The following ARG2 variants were observed in gnomAD, a reference collection of about 807,000 sequenced individuals.
The protein encoded by ARG2 is arginase 2.
In ARG2, 21 loss-of-function variants were observed where a neutral mutation model predicts 39.4. The observed-to-expected ratio is 0.53, with a 90% CI of 0.38 to 0.77. The LOEUF (loss-of-function observed/expected upper bound fraction) is 0.77. Among genes scored for constraint, ARG2 ranks in the 30% least tolerant of loss-of-function variants. The pLI, the probability that ARG2 is intolerant of heterozygous loss-of-function variation, is 0.00. For synonymous variants in ARG2, 150 were observed against 156.7 expected, an observed-to-expected ratio of 0.96 and a Z score of 0.32; for missense variants, 378 against 426.2, an observed-to-expected ratio of 0.89 and a Z score of 1.00.
chr14:67,621,733 C>T (rs944815447), intron 2 of ARG2, among the ~76,000 whole-genome samples: 2 of 151,848 alleles, frequency 1.3e-5, no homozygotes, highest in African/African-American at 4.8e-5. Context: ...GTGTGAGCCA[C>T]TGTGCCCAGC....
Position 67,621,008 on chromosome 14 carries a change from T to G in ARG2, c.184+42T>G, listed in dbSNP as rs778697436. The stretch of plus-strand genomic sequence containing the variant: ...TTAGATATTAGTGCAGGACTAGTAA[T>G]AGACCACTTCAGAGTCTTTTCTCTG... On this transcript the variant is annotated intron_variant, in intron 2 of 7. Transcript: ENST00000261783. The G allele has an allele frequency of 3.8e-6, 6 of 1,576,222 alleles. No homozygotes were observed. The East Asian group carries it at 1.3e-4, about 35-fold the overall frequency.
chr14:67,641,098 T>C (rs972728988), intron 2 of ARG2, among the ~76,000 whole-genome samples: 3 of 152,196 alleles, frequency 2.0e-5, no homozygotes, highest in Admixed American at 6.5e-5. Flanking sequence ...CAAACAATCA[T>C]ATTGTCCACA....
At chr14:67,645,879 T>C (rs1164136108) in intron 4 of ARG2, 77 bp downstream of exon 4, 10 of 1,537,504 alleles carry the variant, frequency 6.5e-6, no homozygotes, top group Admixed American at 1.8e-5. Context: ...AGTTAAGATT[T>C]TGGTGAAGGG....
At chr14:67,631,682 T>A (rs1005146174) in intron 2 of ARG2, among the ~76,000 whole-genome samples, 31 of 152,194 alleles carry the variant, frequency 2.0e-4, no homozygotes, top group African/African-American at 6.8e-4. Flanking sequence ...TCCTCCTGCC[T>A]TGGCCTTCCA....
intron 6 of ARG2, chr14:67,647,551 T>C (rs758058845): frequency 6.4e-6 from 1 of 155,616 alleles, no homozygotes; most frequent in Non-Finnish European, 1.4e-5. Context: ...GGGGCTATAA[T>C]GAAGTTAGAA....
intron 2 of ARG2, 28 bp from the exon 3 acceptor site, chr14:67,642,158 C>G: frequency 1.9e-6 from 3 of 1,607,820 alleles, no homozygotes; most frequent in Non-Finnish European, 2.6e-6. Flanking sequence ...ACAGAAAATT[C>G]ATCTTGTCAT....
Position 67,650,990 on chromosome 14 carries a change from A to G in ARG2, c.*70A>G. On this transcript the variant is annotated 3_prime_UTR_variant, in exon 8 of 8. Coordinates refer to ENST00000261783, the MANE Select transcript of ARG2 (RefSeq NM_001172.4). Reference sequence around the variant, plus strand: ...TATGAGGCATTGAGGGGATAGATGAATACTAAATGGTTGTCTGGGTCAATA... The same window carrying G: ...TATGAGGCATTGAGGGGATAGATGAGTACTAAATGGTTGTCTGGGTCAATA... The G allele has an allele frequency of 6.9e-7, 1 of 1,450,398 alleles. No individual in the cohort carries two copies. Among genetic ancestry groups the G allele is most frequent in the South Asian group, 1.2e-5 (1 of 85,228 alleles). 89.8% of individuals were successfully genotyped at this position (1,450,398 alleles called of 1,614,324 possible). A position where few individuals can be genotyped will look rare whatever the true frequency, so the allele number is the denominator to read the frequency against.
chr14:67,634,383 A>C (rs1442531981), intron 2 of ARG2, among the ~76,000 whole-genome samples: 3 of 151,286 alleles, frequency 2.0e-5, no homozygotes, highest in Non-Finnish European at 4.4e-5. Context: ...ACTTAAGCCC[A>C]GGAGTTCAAG....
chr14:67,648,901 A>C (rs2037135714), intron 7 of ARG2: 1 of 152,212 alleles, frequency 6.6e-6, no homozygotes, highest in Non-Finnish European at 1.5e-5. Context: ...TAGGGTATAG[A>C]TAGAGACCCC....
chr14:67,646,945 C>A lies in ARG2; in HGVS notation c.642C>A (p.Ile214=). The part of the protein sequence containing the change: ...PEHFILKNYD[I]QYFSMRDIDR... ...GTTTTATTTTAAAGAACTATGATATCCAGTATTTTTCCATGAGAGATATTG... is the reference window on the plus strand; with the variant it reads ...GTTTTATTTTAAAGAACTATGATATACAGTATTTTTCCATGAGAGATATTG... The change falls in exon 6 of 8, where the codon ATC becomes ATA. Residue 214 remains isoleucine (I), a synonymous_variant. Coordinates refer to ENST00000261783, the MANE Select transcript of ARG2 (RefSeq NM_001172.4). 1 of 1,607,958 alleles carries A rather than the reference C, an allele frequency of 6.2e-7. No individual in the cohort carries two copies. The highest frequency in any genetic ancestry group is 8.5e-7 in the Non-Finnish European group (1 of 1,174,558).
At position 67,645,706 on chromosome 14, in the gene ARG2, T is replaced by C. The variant is rs891299105; in HGVS notation, c.426T>C (p.Val142=). The change falls in exon 4 of 8, where the codon GTT becomes GTC. Residue 142 remains valine, a synonymous_variant. Transcript: ENST00000261783. The part of the protein sequence containing the change: ...RHCPDLCVVW[V]DAHADINTPL... ...GCCCAGACCTTTGTGTTGTCTGGGTTGATGCCCATGCTGACATCAACACAC... is the reference window on the plus strand; with the variant it reads ...GCCCAGACCTTTGTGTTGTCTGGGTCGATGCCCATGCTGACATCAACACAC... 2 of 1,613,978 alleles carry C rather than the reference T, an allele frequency of 1.2e-6. No homozygotes were observed. Among genetic ancestry groups the C allele is most frequent in the Non-Finnish European group, 1.7e-6 (2 of 1,179,988 alleles).
chr14:67,634,983 C>T (rs1175607690), intron 2 of ARG2, among the ~76,000 whole-genome samples: 6 of 152,142 alleles, frequency 3.9e-5, no homozygotes, highest in South Asian at 2.1e-4. Context: ...CGGTGGCTCA[C>T]GCCTGTAATC....
At chr14:67,625,090 C>G (rs538483069) in intron 2 of ARG2, among the ~76,000 whole-genome samples, 1 of 151,978 alleles carries the variant, frequency 6.6e-6, no homozygotes, top group Non-Finnish European at 1.5e-5. Context: ...CTTTATTTGA[C>G]CAACACAAGT....
intron 2 of ARG2, among the ~76,000 whole-genome samples, chr14:67,632,986 A>G (rs1272717473): frequency 6.6e-6 from 1 of 151,494 alleles, no homozygotes; most frequent in Non-Finnish European, 1.5e-5. Context: ...ACGCCCGGCT[A>G]ATTTTTCGTA....
chr14:67,640,561 C>T (rs1410699585), intron 2 of ARG2, among the ~76,000 whole-genome samples: 4 of 152,226 alleles, frequency 2.6e-5, no homozygotes, highest in Admixed American at 2.0e-4. Flanking sequence ...AATTTAAATT[C>T]ATGATGAGTC....
rs941701615 is a variant in ARG2 at position 67,650,564 on chromosome 14, A to C, written c.860-151A>C. The C allele has an allele frequency of 6.2e-6, 4 of 644,040 alleles. No homozygotes were observed. The Admixed American group carries it at 1.1e-4, about 17-fold the overall frequency. 39.9% of individuals were successfully genotyped at this position (644,040 alleles called of 1,614,324 possible). A position where few individuals can be genotyped will look rare whatever the true frequency, so the allele number is the denominator to read the frequency against. On this transcript the variant is annotated intron_variant, in intron 7 of 7. Coordinates refer to ENST00000261783, the MANE Select transcript of ARG2 (RefSeq NM_001172.4). ...ACTTAAATTCATGGCCAAGAGGATG[A>C]GGTGCAAGGGGCTTCCTAAAAATAG...
chr14:67,648,078 A>G lies in ARG2; in HGVS notation c.754A>G (p.Ile252Val). The change falls in exon 7 of 8, where the codon ATT (isoleucine) becomes GTT (valine). Residue 252 changes from isoleucine (I) to valine (V), a missense_variant. Physicochemically the swap from Ile to Val is conservative, Grantham distance 29. Transcript: ENST00000261783. The stretch of plus-strand genomic sequence containing the variant: ...AAGACCAATCCATTTGAGTTTTGAT[A>G]TTGATGCATTTGACCCTACACTGGC... ...RQRPIHLSFD[I>V]DAFDPTLAPA... 1 of 1,613,636 alleles carries G rather than the reference A, an allele frequency of 6.2e-7. No homozygotes were observed. Among genetic ancestry groups the G allele is most frequent in the East Asian group, 2.2e-5 (1 of 44,854 alleles).
chr14:67,650,581 TA>T, intron 7 of ARG2, 133 bp from the exon 8 acceptor site: 2 of 748,672 alleles, frequency 2.7e-6, no homozygotes, highest in Non-Finnish European at 2.2e-6. Context: ...AGGGGCTTCC[TA>T]AAAATAGGTA....
At chr14:67,627,256 G>GAGATATATATATATATATATAT (rs1555379493) in intron 2 of ARG2, among the ~76,000 whole-genome samples, 1 of 133,750 alleles carries the variant, frequency 7.5e-6, no homozygotes, top group Non-Finnish European at 1.6e-5. Flanking sequence ...TCAGTAAGGA[G>GAGATATATATATATATATATAT]ATATATATAT....
Sources: gnomAD v4.1 joint callset for allele counts (sites outside exome capture counted in the v4.1 genomes callset) on GRCh38, gnomAD v4.1.1 for gene constraint, MANE v1.5 for transcripts, NCBI Gene and HGNC (gene_info 2026-07-23, HGNC 2026-07-21) for gene names.